ABCD2: variants seen among roughly 807,000 people sequenced by gnomAD.
ABCD2 encodes ATP-binding cassette sub-family D member 2.
Under a neutral mutation model 70.9 loss-of-function variants are expected in ABCD2, and 36 were observed. The ratio of observed to expected loss-of-function variants is 0.51; its 90% CI spans 0.39 to 0.67. The LOEUF (loss-of-function observed/expected upper bound fraction) is 0.67. Among genes scored for constraint, ABCD2 ranks in the 30% least tolerant of loss-of-function variants. The probability of loss-of-function intolerance (pLI) is 0.00; values close to 1 mark genes in which losing one functional copy is unlikely to be tolerated. For missense variants in ABCD2, 729 were observed against 890.2 expected (o/e 0.82, Z 2.30); for synonymous variants, 304 against 306.9 (o/e 0.99, Z 0.10).
chr12:39,613,135 C>G lies in ABCD2; in HGVS notation c.1120+3853G>C, dbSNP rs995278428. On this transcript the variant is annotated intron_variant, in intron 2 of 9. Transcript: ENST00000308666. Reference sequence around the variant, plus strand: ...GGCGCGGTGGCTCACGCCTGTAATCCCAGCACTTTGGGAGGCCGAGGCGGG... The same window carrying G: ...GGCGCGGTGGCTCACGCCTGTAATCGCAGCACTTTGGGAGGCCGAGGCGGG... Among the ~76,000 whole-genome samples, 17 of 87,610 alleles carry G rather than the reference C, an allele frequency of 1.9e-4. 3 individuals are homozygous for G. The highest frequency in any genetic ancestry group is 1.3e-4 in the Non-Finnish European group (6 of 46,744). The allele number at this position is 87,610 out of a possible 152,430, so 57.5% of individuals were successfully genotyped here.
chr12:39,558,508 A>T (rs1198207629), intron 9 of ABCD2, among the ~76,000 whole-genome samples: 1 of 152,194 alleles, frequency 6.6e-6, no homozygotes, highest in African/African-American at 2.4e-5. Context: ...GTGTCAAGGG[A>T]AAGACCAGGT....
chr12:39,602,708 T>A (rs570669854), intron 5 of ABCD2, among the ~76,000 whole-genome samples: 19 of 152,314 alleles, frequency 1.2e-4, no homozygotes, highest in African/African-American at 4.6e-4. Flanking sequence ...TTTAGTTTAT[T>A]CTATGTAAAA....
At chr12:39,600,507 A>G in intron 6 of ABCD2, 64 bp downstream of exon 6, 1 of 1,377,616 alleles carries the variant, frequency 7.3e-7, no homozygotes, top group East Asian at 2.4e-5. Context: ...GAGGAACTTG[A>G]GGAATCAAGA....
the ABCD2 span, among the ~76,000 whole-genome samples, chr12:39,531,707 G>A: frequency 1.3e-5 from 2 of 152,308 alleles, no homozygotes; most frequent in African/African-American, 4.8e-5. Context: ...GGCCATTGTT[G>A]CTATTTTGGG....
chr12:39,543,466 TG>T, the ABCD2 span, among the ~76,000 whole-genome samples: 1 of 152,220 alleles, frequency 6.6e-6, no homozygotes, highest in Non-Finnish European at 1.5e-5. Context: ...TTTTCCTTTG[TG>T]GGGATTGTAT....
chr12:39,600,014 T>G (rs1307792436), intron 6 of ABCD2, among the ~76,000 whole-genome samples: 1 of 152,180 alleles, frequency 6.6e-6, no homozygotes, highest in South Asian at 2.1e-4. Flanking sequence ...TCAGGGAAGA[T>G]GATAGCTAAA....
intron 9 of ABCD2, among the ~76,000 whole-genome samples, chr12:39,572,728 A>T (rs1329361549): frequency 6.6e-6 from 1 of 152,226 alleles, no homozygotes; most frequent in African/African-American, 2.4e-5. Context: ...AGCCATGTAC[A>T]TCATGACAAC....
chr12:39,606,851 T>C (rs1225187507), intron 3 of ABCD2, among the ~76,000 whole-genome samples: 5 of 152,242 alleles, frequency 3.3e-5, no homozygotes, highest in Non-Finnish European at 7.3e-5. Flanking sequence ...CTTATTACTA[T>C]TTTGTCAACA....
intron 2 of ABCD2, among the ~76,000 whole-genome samples, chr12:39,608,629 A>C (rs1942004233): frequency 6.6e-6 from 1 of 152,194 alleles, no homozygotes; most frequent in Non-Finnish European, 1.5e-5. Flanking sequence ...TGAAGGTTGC[A>C]GTGAGCGGAG....
At chr12:39,541,833 C>G in the ABCD2 span, among the ~76,000 whole-genome samples, 1 of 152,174 alleles carries the variant, frequency 6.6e-6, no homozygotes, top group East Asian at 1.9e-4. Flanking sequence ...CAAACAACTA[C>G]ACACTACAAC....
the ABCD2 span, among the ~76,000 whole-genome samples, chr12:39,533,768 C>T: frequency 3.9e-5 from 6 of 152,206 alleles, no homozygotes; most frequent in East Asian, 1.9e-4. Context: ...CTTGTTTCAT[C>T]GTCCAAGAAG....
chr12:39,604,648 G>T, intron 4 of ABCD2, 114 bp downstream of exon 4: 1 of 777,224 alleles, frequency 1.3e-6, no homozygotes. Context: ...TTTAAATAAT[G>T]TTGGTTATTT....
At chr12:39,605,058 T>G in intron 3 of ABCD2, 128 bp from the exon 4 acceptor site, 1 of 622,754 alleles carries the variant, frequency 1.6e-6, no homozygotes, top group Non-Finnish European at 2.4e-6. Context: ...GAGATATATA[T>G]AATACATCTG....
chr12:39,566,246 A>G lies in ABCD2; in HGVS notation c.2003+7470T>C, dbSNP rs191836278. Among the ~76,000 whole-genome samples, 343 of 152,276 alleles carry G rather than the reference A, an allele frequency of 2.3e-3. 3 individuals are homozygous for G. Among genetic ancestry groups the G allele is most frequent in the African/African-American group, 8.0e-3 (333 of 41,558 alleles). ...TACCTCTGGTAGAATTCGGCTGTGA[A>G]TCCGTCTGGTCCTGGAGTTTTTTTG... On this transcript the variant is annotated intron_variant, in intron 9 of 9. Coordinates refer to ENST00000308666, the MANE Select transcript of ABCD2 (RefSeq NM_005164.4).
downstream of ABCD2, among the ~76,000 whole-genome samples, chr12:39,546,201 A>G (rs2120487248): frequency 6.6e-6 from 1 of 152,298 alleles, no homozygotes; most frequent in African/African-American, 2.4e-5. Context: ...ATACACAAGA[A>G]TATGAAGGAG....
chr12:39,572,983 T>C (rs1453820604), intron 9 of ABCD2, among the ~76,000 whole-genome samples: 1 of 152,126 alleles, frequency 6.6e-6, no homozygotes, highest in African/African-American at 2.4e-5. Flanking sequence ...AGCCGTGTGC[T>C]GTAGTACAGA....
chr12:39,561,391 C>CAAAAA (rs529908093), intron 9 of ABCD2, among the ~76,000 whole-genome samples: 28 of 74,458 alleles, frequency 3.8e-4, no homozygotes, highest in African/African-American at 9.6e-4. Flanking sequence ...GACTCTGTCT[C>CAAAAA]AAAAAAAAAA....
intron 8 of ABCD2, 92 bp from the exon 9 acceptor site, chr12:39,573,933 A>C: frequency 7.9e-7 from 1 of 1,259,924 alleles, no homozygotes; most frequent in Admixed American, 2.4e-5. Context: ...TAACAATTTT[A>C]ATGGAGCAAA....
chr12:39,573,755 C>G lies in ABCD2; in HGVS notation c.1964G>C (p.Gly655Ala), dbSNP rs778060875. 2.5e-6 allele frequency: 4 copies of G among 1,613,248 alleles called. No individual in the cohort carries two copies. Among genetic ancestry groups the G allele is most frequent in the Non-Finnish European group, 3.4e-6 (4 of 1,179,448 alleles). ...GKIFQAAKGA[G>A]ISLLSITHRP... is the part of the protein sequence containing the mutation. ...GTGTGTTATAGACAGTAAGGAAATT[C>G]CAGCCCCTTTTGCAGCCTGAAATAT... is the stretch of plus-strand genomic sequence containing the variant. Residue 655 changes from glycine to alanine, a missense_variant, in exon 9 of 10, where the codon GGA (glycine) becomes GCA (alanine). Physicochemically the swap from Gly to Ala is moderately conservative, Grantham distance 60. Coordinates refer to ENST00000308666, the MANE Select transcript of ABCD2 (RefSeq NM_005164.4).
Sources: gnomAD v4.1 joint callset for allele counts (sites outside exome capture counted in the v4.1 genomes callset) on GRCh38, gnomAD v4.1.1 for gene constraint, MANE v1.5 for transcripts, NCBI Gene and HGNC (gene_info 2026-07-23, HGNC 2026-07-21) for gene names.